RNF144A: variants seen among roughly 807,000 people sequenced by gnomAD.
The protein encoded by RNF144A is ring finger protein 144A, also known as E3 ubiquitin-protein ligase RNF144A.
Under a neutral mutation model 38.7 loss-of-function variants are expected in RNF144A, and 11 were observed. That is an observed-to-expected ratio of 0.28 (90% confidence interval 0.18 to 0.47). The LOEUF is 0.47. RNF144A is among the 20% of genes least tolerant of loss of function. The probability of loss-of-function intolerance (pLI) is 0.99; values close to 1 mark genes in which losing one functional copy is unlikely to be tolerated. For missense variants in RNF144A, 316 were observed against 377.2 expected, an observed-to-expected ratio of 0.84 and a Z score of 1.34; for synonymous variants, 149 against 143.9, an observed-to-expected ratio of 1.04 and a Z score of -0.25.
In RNF144A at chr2:6,975,646, AAGCCC is replaced by A. The variant is rs527362165; in HGVS notation, c.-11-21268_-11-21264del. Among the ~76,000 whole-genome samples the A allele has an allele frequency of 1.2e-3, 186 of 152,270 alleles. No individual in the cohort carries two copies. In the South Asian group the frequency reaches 0.014, roughly 11 times the overall value. On this transcript the variant is annotated intron_variant, in intron 2 of 8. Coordinates refer to ENST00000320892, the MANE Select transcript of RNF144A (RefSeq NM_014746.6). ...AAGACCAGCCTGGGCAACAAGTTGA[AAGCCC>A]ATCTCTGCAAAAAATGCAAAAATTA...
At chr2:6,928,931 C>T (rs1277645286) in intron 1 of RNF144A, among the ~76,000 whole-genome samples, 1 of 152,148 alleles carries the variant, frequency 6.6e-6, no homozygotes, top group Non-Finnish European at 1.5e-5. Flanking sequence ...CCCTTCAGAC[C>T]CTGTCAGTTC....
chr2:7,039,547 G>T lies in RNF144A; in HGVS notation c.748-82G>T, dbSNP rs1210482658. 7 of 1,556,282 alleles carry T rather than the reference G, an allele frequency of 4.5e-6. No homozygotes were observed. The Admixed American group carries it at 1.3e-4, about 29-fold the overall frequency. ...GGATGGATGGATGGATGGATGGGTA[G>T]CTGGTTGTGTGGTTTACACTTTAGC... On this transcript the variant is annotated intron_variant, in intron 8 of 8. Coordinates refer to ENST00000320892, the MANE Select transcript of RNF144A (RefSeq NM_014746.6).
chr2:7,053,588 A>C (rs1243851335), intron 6 of RNF144A, among the ~76,000 whole-genome samples: 1 of 152,226 alleles, frequency 6.6e-6, no homozygotes, highest in East Asian at 1.9e-4. Context: ...GAGACTGCCT[A>C]CAGTTCCATG....
intron 6 of RNF144A, among the ~76,000 whole-genome samples, chr2:7,062,515 AAAG>A (rs1674007116): frequency 6.6e-6 from 1 of 151,734 alleles, no homozygotes. Context: ...AAAAAAAAAA[AAAG>A]AAAGAAATAG....
downstream of RNF144A, among the ~76,000 whole-genome samples, chr2:7,070,777 C>T (rs758403612): frequency 5.9e-5 from 9 of 152,050 alleles, no homozygotes; most frequent in East Asian, 3.9e-4. Flanking sequence ...AAAAAAGTTC[C>T]GCGATTGCCA....
chr2:7,074,958 T>A, the RNF144A span, among the ~76,000 whole-genome samples: 1 of 152,124 alleles, frequency 6.6e-6, no homozygotes, highest in African/African-American at 2.4e-5. Flanking sequence ...GACTTGAAAA[T>A]TTTTAAGTGT....
chr2:6,961,370 G>C (rs185232660), intron 2 of RNF144A, among the ~76,000 whole-genome samples: 2 of 151,200 alleles, frequency 1.3e-5, no homozygotes, highest in Admixed American at 1.3e-4. Flanking sequence ...TTATTTTCCA[G>C]ATTGAATTCC....
chr2:6,975,053 T>G (rs1365871006), intron 2 of RNF144A, among the ~76,000 whole-genome samples: 2 of 152,324 alleles, frequency 1.3e-5, no homozygotes, highest in Non-Finnish European at 2.9e-5. Flanking sequence ...TAAATATTCA[T>G]GTGTATTAGT....
Position 7,040,933 on chromosome 2 carries a change from C to A in RNF144A, c.*1173C>A, listed in dbSNP as rs745318471. The A allele has an allele frequency of 2.0e-6, 2 of 985,470 alleles. No individual in the cohort carries two copies. Among genetic ancestry groups the A allele is most frequent in the Non-Finnish European group, 2.4e-6 (2 of 829,942 alleles). The allele number at this position is 985,470 out of a possible 1,614,324, so 61.0% of individuals were successfully genotyped here. On this transcript the variant is annotated 3_prime_UTR_variant, in exon 9 of 9. Coordinates refer to ENST00000320892, the MANE Select transcript of RNF144A (RefSeq NM_014746.6). Reference sequence around the variant, plus strand: ...TAACGTGGGGATTTTACCACTTGATCTTTTACAGGGCTGTCTGTGACCATT... The same window carrying A: ...TAACGTGGGGATTTTACCACTTGATATTTTACAGGGCTGTCTGTGACCATT...
intron 2 of RNF144A, among the ~76,000 whole-genome samples, chr2:6,983,845 T>G (rs1668790780): frequency 6.6e-6 from 1 of 152,234 alleles, no homozygotes; most frequent in South Asian, 2.1e-4. Context: ...AGCTCCGTCC[T>G]GCTGCCTACA....
intron 2 of RNF144A, among the ~76,000 whole-genome samples, chr2:6,990,652 G>A (rs1490246587): frequency 6.6e-6 from 1 of 151,548 alleles, no homozygotes; most frequent in Admixed American, 6.6e-5. Context: ...AGTCCCAATG[G>A]GGGTTTGGGC....
At chr2:6,959,335 G>T (rs1667191371) in intron 2 of RNF144A, among the ~76,000 whole-genome samples, 2 of 152,244 alleles carry the variant, frequency 1.3e-5, no homozygotes, top group African/African-American at 4.8e-5. Context: ...GGAAGTGAAA[G>T]TGGAGCATGG....
In RNF144A at chr2:6,937,774, C is replaced by T. The variant is rs142647218; in HGVS notation, c.-211-3174C>T. Among the ~76,000 whole-genome samples, 286 of 152,180 alleles carry T rather than the reference C, an allele frequency of 1.9e-3. 1 individual carries two copies. The highest frequency in any genetic ancestry group is 6.7e-3 in the African/African-American group (277 of 41,516). ...TGTTTGGAGGCTGGGTCAGGGCTCTCGGCTGGCGGAGACATTGGCATTAAA... is the reference window on the plus strand; with the variant it reads ...TGTTTGGAGGCTGGGTCAGGGCTCTTGGCTGGCGGAGACATTGGCATTAAA... On this transcript the variant is annotated intron_variant, in intron 1 of 8. Coordinates refer to ENST00000320892, the MANE Select transcript of RNF144A (RefSeq NM_014746.6).
chr2:7,010,247 G>T (rs991530376), intron 3 of RNF144A, among the ~76,000 whole-genome samples: 2 of 152,146 alleles, frequency 1.3e-5, no homozygotes, highest in Non-Finnish European at 2.9e-5. Context: ...GAGGCACTGG[G>T]AGAGAAAGGT....
chr2:6,994,831 C>T (rs948048008), intron 2 of RNF144A, among the ~76,000 whole-genome samples: 1 of 152,230 alleles, frequency 6.6e-6, no homozygotes, highest in Non-Finnish European at 1.5e-5. Flanking sequence ...CCCACTCCCG[C>T]CCCAGACGCT....
intron 8 of RNF144A, among the ~76,000 whole-genome samples, chr2:7,034,097 C>T (rs545188963): frequency 1.2e-4 from 19 of 152,226 alleles, no homozygotes; most frequent in South Asian, 4.1e-4. Flanking sequence ...GGAGCTTGTT[C>T]GTCCCCATTC....
At chr2:6,930,386 T>C (rs1665130916) in intron 1 of RNF144A, among the ~76,000 whole-genome samples, 1 of 152,146 alleles carries the variant, frequency 6.6e-6, no homozygotes, top group African/African-American at 2.4e-5. Context: ...ATTATGGTTA[T>C]ATTTCATTTT....
rs148863084 is a variant in RNF144A at position 7,065,316 on chromosome 2, C to T, written c.735-2900C>T. 6.8e-3 allele frequency among the ~76,000 whole-genome samples: 1,043 copies of T among 152,310 alleles called. 18 individuals carry two copies. Among genetic ancestry groups the T allele is most frequent in the South Asian group, 0.018 (89 of 4,828 alleles). ...AACTATCAAATGCCTTCCTCTGGCC[C>T]CATCAACTGAAGTCAGGGCCTGGAG... On this transcript the variant is annotated intron_variant, in intron 6 of 6. Transcript: ENST00000432850.
chr2:6,970,050 G>A (rs1177670034), intron 2 of RNF144A, among the ~76,000 whole-genome samples: 8 of 152,186 alleles, frequency 5.3e-5, no homozygotes, highest in Admixed American at 4.6e-4. Context: ...GTAAGCCACC[G>A]CGCCTGGCCA....
Sources: gnomAD v4.1 joint callset for allele counts (sites outside exome capture counted in the v4.1 genomes callset) on GRCh38, gnomAD v4.1.1 for gene constraint, MANE v1.5 for transcripts, NCBI Gene and HGNC (gene_info 2026-07-23, HGNC 2026-07-21) for gene names.